The following NEK5 variants were observed in gnomAD, a reference collection of about 807,000 sequenced individuals.
The protein encoded by NEK5 is serine/threonine-protein kinase Nek5.
NEK5 carries 88 observed loss-of-function variants against 109.2 expected under a neutral mutation model. That is an observed-to-expected ratio of 0.81 (90% CI 0.68 to 0.96). The LOEUF (loss-of-function observed/expected upper bound fraction) is 0.96. Among genes scored for constraint, NEK5 ranks in the 40% least tolerant of loss-of-function variants. The pLI is 0.00. For synonymous variants in NEK5, 283 were observed against 299.9 expected (o/e 0.94, Z 0.58); for missense variants, 834 against 920.7 (o/e 0.91, Z 1.22).
At chr13:52,082,629 C>A (rs1955037901) in intron 17 of NEK5, among the ~76,000 whole-genome samples, 1 of 152,170 alleles carries the variant, frequency 6.6e-6, no homozygotes, top group African/African-American at 2.4e-5. Flanking sequence ...CAGGCTCTTA[C>A]CTCCACCAAA....
intron 9 of NEK5, among the ~76,000 whole-genome samples, chr13:52,103,275 A>G (rs1237730707): frequency 6.6e-6 from 1 of 152,068 alleles, no homozygotes; most frequent in African/African-American, 2.4e-5. Flanking sequence ...CTAAAAATAC[A>G]AAAAAATTAG....
Position 52,093,239 on chromosome 13 carries a change from A to C in NEK5, c.1027-4T>G, listed in dbSNP as rs1476428841. 6.2e-7 allele frequency: 1 copy of C among 1,606,582 alleles called. No individual in the cohort carries two copies. ...TGGGTCTTTCTATCATTTTTATCTG[A>C]AGAAAACAAGAGGGGATGTTTTTAA... On this transcript the variant is annotated splice_polypyrimidine_tract_variant and splice_region_variant and intron_variant, in intron 12 of 23. Transcript: ENST00000684899.
At position 52,118,863 on chromosome 13, in the gene NEK5, G is replaced by A. The variant is rs1241837966; in HGVS notation, c.214+456C>T. Among the ~76,000 whole-genome samples, 3 of 152,238 alleles carry A rather than the reference G, an allele frequency of 2.0e-5. No homozygotes were observed. In the East Asian group the frequency reaches 5.8e-4, roughly 29 times the overall value. On this transcript the variant is annotated intron_variant, in intron 4 of 23. Transcript: ENST00000684899. ...CACATCCTAGCAGGGCTTTGAGAGCGATAGTGTGGTGGGCTCTGTGTTTTC... is the reference window on the plus strand; with the variant it reads ...CACATCCTAGCAGGGCTTTGAGAGCAATAGTGTGGTGGGCTCTGTGTTTTC...
intron 14 of NEK5, among the ~76,000 whole-genome samples, 178 bp from the exon 15 acceptor site, chr13:52,087,632 AT>A (rs972961403): frequency 1.3e-5 from 2 of 151,764 alleles, no homozygotes; most frequent in Non-Finnish European, 2.9e-5. Flanking sequence ...AAAAATATAT[AT>A]TTTTTTCTGT....
At chr13:52,081,772 AT>A (rs1955018276) in intron 17 of NEK5, among the ~76,000 whole-genome samples, 1 of 152,150 alleles carries the variant, frequency 6.6e-6, no homozygotes, top group Non-Finnish European at 1.5e-5. Context: ...CCAGTGGTTT[AT>A]TTTTAATTAC....
chr13:52,049,637 TACACTA>T (rs1417391529), intron 23 of NEK5, among the ~76,000 whole-genome samples: 43 of 147,224 alleles, frequency 2.9e-4, no homozygotes, highest in African/African-American at 1.0e-3. Flanking sequence ...ACACATAAAA[TACACTA>T]ACACTAACAA....
At chr13:52,094,769 G>A (rs374830951) in intron 12 of NEK5, among the ~76,000 whole-genome samples, 11 of 152,178 alleles carry the variant, frequency 7.2e-5, no homozygotes, top group East Asian at 3.9e-4. Context: ...GTGAGACTCC[G>A]TCTCAAAAAA....
intron 13 of NEK5, among the ~76,000 whole-genome samples, chr13:52,091,012 C>T (rs920290114): frequency 4.0e-5 from 6 of 151,054 alleles, no homozygotes; most frequent in Non-Finnish European, 7.4e-5. Context: ...GGCGACAGAG[C>T]GAGACTCTGT....
In NEK5 at chr13:52,069,119, T is replaced by C. The variant is rs142043900; in HGVS notation, c.1849+2825A>G. On this transcript the variant is annotated intron_variant, in intron 20 of 23. Coordinates refer to ENST00000684899, the MANE Select transcript of NEK5 (RefSeq NM_001365552.1). ...TTTCAGTATACTACTGATGAAGGTT[T>C]TTTTTTCTTTCATCTAAAAAACAGC... Among the ~76,000 whole-genome samples, 5 of 152,322 alleles carry C rather than the reference T, an allele frequency of 3.3e-5. No homozygotes were observed. In the East Asian group the frequency reaches 9.6e-4, roughly 29 times the overall value.
chr13:52,093,013 T>C lies in NEK5; in HGVS notation c.1208+41A>G, dbSNP rs201813265. Reference sequence around the variant, plus strand: ...TAATAAATGTTAATATATAAAGATATTTTTAGATTAACCAAAGCTTAAGCT... The same window carrying C: ...TAATAAATGTTAATATATAAAGATACTTTTAGATTAACCAAAGCTTAAGCT... On this transcript the variant is annotated intron_variant, in intron 13 of 23. Coordinates refer to ENST00000684899, the MANE Select transcript of NEK5 (RefSeq NM_001365552.1). 672 of 1,347,798 alleles carry C rather than the reference T, an allele frequency of 5.0e-4. 4 individuals carry two copies. In the African/African-American group the frequency reaches 8.5e-3, roughly 17 times the overall value. The allele number at this position is 1,347,798 out of a possible 1,614,324, so 83.5% of individuals were successfully genotyped here. A position where few individuals can be genotyped will look rare whatever the true frequency, so the allele number is the denominator to read the frequency against.
At chr13:52,089,525 G>C (rs570706264) in intron 13 of NEK5, among the ~76,000 whole-genome samples, 154 of 152,232 alleles carry the variant, frequency 1.0e-3, no homozygotes, top group Non-Finnish European at 1.8e-3. Context: ...TAACAAGTGG[G>C]GATACAGGAG....
chr13:52,109,604 A>G (rs1208295652), intron 7 of NEK5, among the ~76,000 whole-genome samples: 2 of 152,056 alleles, frequency 1.3e-5, no homozygotes, highest in Admixed American at 1.3e-4. Context: ...ACCTTTTTAA[A>G]TCCGATAAGA....
At chr13:52,079,296 C>CTCTCCG (rs960599975) in intron 17 of NEK5, among the ~76,000 whole-genome samples, 5 of 150,248 alleles carry the variant, frequency 3.3e-5, no homozygotes, top group African/African-American at 1.2e-4. Flanking sequence ...ATCCCTCTCC[C>CTCTCCG]TCTCCCTCTC....
At position 52,116,644 on chromosome 13, in the gene NEK5, A is replaced by C. The variant is rs1955863521; in HGVS notation, c.214+2675T>G. Among the ~76,000 whole-genome samples the C allele has an allele frequency of 2.0e-5, 3 of 152,378 alleles. No homozygotes were observed. The East Asian group carries it at 5.8e-4, about 29-fold the overall frequency. On this transcript the variant is annotated intron_variant, in intron 4 of 23. Transcript: ENST00000684899. ...AGCCAACCTCAGGCTTCTGACCTAC[A>C]GAAATCAAGAGATAATAAATAGGTG...
chr13:52,100,989 A>C (rs1456137281), intron 11 of NEK5, among the ~76,000 whole-genome samples: 1 of 152,214 alleles, frequency 6.6e-6, no homozygotes, highest in Non-Finnish European at 1.5e-5. Context: ...ATTCAGTTAC[A>C]GCTAAATTCT....
chr13:52,122,890 A>G (rs971329481), intron 3 of NEK5, among the ~76,000 whole-genome samples: 1 of 152,254 alleles, frequency 6.6e-6, no homozygotes, highest in Non-Finnish European at 1.5e-5. Flanking sequence ...AAGAGGTTAT[A>G]TGCTATTTTT....
chr13:52,115,526 AC>A (rs1329861914), intron 4 of NEK5, among the ~76,000 whole-genome samples: 1 of 144,114 alleles, frequency 6.9e-6, no homozygotes, highest in East Asian at 2.1e-4. Flanking sequence ...AATTGCTTGA[AC>A]CCGGGAGGTG....
At chr13:52,044,871 C>T (rs1012346307) in intron 23 of NEK5, among the ~76,000 whole-genome samples, 1 of 152,098 alleles carries the variant, frequency 6.6e-6, no homozygotes, top group African/African-American at 2.4e-5. Flanking sequence ...ATTCTGCTGG[C>T]AAGGAGGCTA....
At chr13:52,038,513 G>C (rs2140875424) in intron 23 of NEK5, among the ~76,000 whole-genome samples, 1 of 152,290 alleles carries the variant, frequency 6.6e-6, no homozygotes, top group Non-Finnish European at 1.5e-5. Context: ...GTGCCGTGCA[G>C]CAGGAGCCAA....
Sources: allele counts gnomAD v4.1 joint callset (sites outside exome capture counted in the v4.1 genomes callset), GRCh38; gene constraint gnomAD v4.1.1; transcripts MANE v1.5; gene names NCBI Gene and HGNC (gene_info 2026-07-23, HGNC 2026-07-21).